Variants in AMDHD2 observed in about 807,000 individuals in gnomAD.
AMDHD2 encodes N-acetylglucosamine-6-phosphate deacetylase.
Under a neutral mutation model 41.8 loss-of-function variants are expected in AMDHD2, and 24 were observed. The ratio of observed to expected loss-of-function variants is 0.57; its 90% CI spans 0.42 to 0.81. The LOEUF is 0.81. AMDHD2 is among the 30% of genes least tolerant of loss of function. AMDHD2 has a pLI of 0.00. For synonymous variants in AMDHD2, 332 were observed against 255.5 expected, an observed-to-expected ratio of 1.30 and a Z score of -2.85; for missense variants, 540 against 588.5, an observed-to-expected ratio of 0.92 and a Z score of 0.85.
chr16:2,526,309 A>G (rs779893150), intron 3 of AMDHD2, among the ~76,000 whole-genome samples: 38 of 152,252 alleles, frequency 2.5e-4, no homozygotes, highest in Non-Finnish European at 3.8e-4. Flanking sequence ...AGAGTCTAGC[A>G]GTGCTCAGAG....
chr16:2,521,218 G>T, intron 3 of AMDHD2, 95 bp downstream of exon 3: 1 of 1,388,584 alleles, frequency 7.2e-7, no homozygotes, highest in African/African-American at 1.7e-5. Flanking sequence ...CCCCCAGCAC[G>T]TATTCCATGG....
Position 2,527,662 on chromosome 16 carries a change from G to A in AMDHD2, c.415+47G>A, listed in dbSNP as rs776635261. On this transcript the variant is annotated intron_variant, in intron 4 of 10. Transcript: ENST00000293971. The surrounding 1 kb of genome is among the most constrained non-coding windows in gnomAD (Gnocchi z 6.1). ...CGCCCCCACCCTGGGAGGCTCCTGC[G>A]GGACCTGTTGGCAGCCCCCACCCCT... The A allele has an allele frequency of 3.8e-6, 6 of 1,584,972 alleles. No homozygotes were observed. The highest frequency in any genetic ancestry group is 4.5e-5 in the East Asian group (2 of 44,102).
rs1188128654 is a variant in AMDHD2 at position 2,528,145 on chromosome 16, G to A, written c.714G>A (p.Leu238=). 1.2e-6 allele frequency: 2 copies of A among 1,613,016 alleles called. No individual in the cohort carries two copies. Among genetic ancestry groups the A allele is most frequent in the Admixed American group, 1.7e-5 (1 of 60,020 alleles). Residue 238 remains leucine, a synonymous_variant, in exon 6 of 11, where the codon CTG becomes CTA. Transcript: ENST00000293971. ...TFITHLFNAM[L]PFHHRDPGIV... ...TCACCCACCTCTTCAACGCCATGCT[G>A]CCTGTGAGTGCTATGGGGCCCCAGG... is the stretch of plus-strand genomic sequence containing the variant.
Position 2,529,000 on chromosome 16 carries a change from G to T in AMDHD2, c.1046G>T (p.Ser349Ile), listed in dbSNP as rs2066047567. Reference protein sequence around the residue: ...VRHFLQATGCSMESALEAASL... With the variant: ...VRHFLQATGCIMESALEAASL... ...AGCTGTGTCCCCCAAGCAGGCTGCA[G>T]CATGGAGTCGGCCCTGGAGGCTGCA... Residue 349 changes from serine to isoleucine, a missense_variant, in exon 10 of 11, where the codon AGC becomes ATC. By Grantham distance (142) the Ser-to-Ile change is moderately radical. Coordinates refer to ENST00000293971, the MANE Select transcript of AMDHD2 (RefSeq NM_001330449.2). 2 of 1,579,714 alleles carry T rather than the reference G, an allele frequency of 1.3e-6. No homozygotes were observed. Among genetic ancestry groups the T allele is most frequent in the South Asian group, 2.3e-5 (2 of 86,700 alleles).
intron 1 of AMDHD2, 95 bp from the exon 2 acceptor site, chr16:2,520,674 G>A (rs1219267054): frequency 9.8e-6 from 13 of 1,326,892 alleles, no homozygotes; most frequent in East Asian, 3.1e-5. Flanking sequence ...GGGACCGGGC[G>A]GGGTGCAGGG....
At chr16:2,528,761 G>T (rs765859263) in intron 9 of AMDHD2, 43 bp downstream of exon 9, 7 of 1,604,926 alleles carry the variant, frequency 4.4e-6, no homozygotes, top group Non-Finnish European at 5.1e-6. Flanking sequence ...GTCTGTGAGT[G>T]GTGGGTCCCC....
rs1022928433 is a variant in AMDHD2 at position 2,531,005 on chromosome 16, A to G, written c.*1442A>G. On this transcript the variant is annotated 3_prime_UTR_variant, in exon 11 of 11. Transcript: ENST00000293971. The stretch of plus-strand genomic sequence containing the variant: ...GCAGGGAGAGGCAGGTGAGGTTCTC[A>G]GCCGATGTGTTAGAGGTTGAGCATC... 6.2e-7 allele frequency: 1 copy of G among 1,612,644 alleles called. No individual in the cohort carries two copies. The highest frequency in any genetic ancestry group is 8.5e-7 in the Non-Finnish European group (1 of 1,179,428).
At chr16:2,524,832 C>T (rs1196623635) in intron 3 of AMDHD2, among the ~76,000 whole-genome samples, 7 of 152,068 alleles carry the variant, frequency 4.6e-5, no homozygotes, top group Non-Finnish European at 8.8e-5. Flanking sequence ...CTCCGTGAGT[C>T]CTCTTAGCCC....
At position 2,528,574 on chromosome 16, in the gene AMDHD2, C is replaced by T. The variant is rs768581537; in HGVS notation, c.970+15C>T. On this transcript the variant is annotated intron_variant, in intron 8 of 10. Transcript: ENST00000293971. The stretch of plus-strand genomic sequence containing the variant: ...CTACGTGGCAGGTGAGCGCCCTGAC[C>T]CACTGGGTCCCAGGTCCCAGCCCGC... The T allele has an allele frequency of 2.5e-6, 4 of 1,612,638 alleles. No individual in the cohort carries two copies. The highest frequency in any genetic ancestry group is 2.2e-5 in the East Asian group (1 of 44,876).
In AMDHD2 at chr16:2,530,808, C is replaced by G; in HGVS notation, c.*1245C>G. On this transcript the variant is annotated 3_prime_UTR_variant, in exon 11 of 11. Transcript: ENST00000293971. ...AGGGGTTGATCTCAGCCCACAAGCC[C>G]CAGGGGCAGCCCAGGAAAGCAGGCG... The G allele has an allele frequency of 5.0e-6, 8 of 1,613,754 alleles. No homozygotes were observed. The highest frequency in any genetic ancestry group is 6.8e-6 in the Non-Finnish European group (8 of 1,179,974).
At chr16:2,522,013 T>G (rs530991302) in intron 3 of AMDHD2, among the ~76,000 whole-genome samples, 2 of 152,150 alleles carry the variant, frequency 1.3e-5, no homozygotes, top group Admixed American at 6.5e-5. Flanking sequence ...CTCGATCTCC[T>G]GACCTCGTGA....
rs139824639 is a variant in AMDHD2, at chr16:2,528,114, C to T, written c.683C>T (p.Thr228Ile). Residue 228 changes from threonine to isoleucine, a missense_variant, in exon 6 of 11, where the codon ACC becomes ATC. By Grantham distance (89) the Thr-to-Ile change is moderately conservative. Coordinates refer to ENST00000293971, the MANE Select transcript of AMDHD2 (RefSeq NM_001330449.2). ...GAGGATGCTGTGTGGAGCGGAGCCA[C>T]CTTCATCACCCACCTCTTCAACGCC... The part of the protein sequence containing the change: ...AAEDAVWSGA[T>I]FITHLFNAML... The T allele has an allele frequency of 1.2e-6, 2 of 1,613,110 alleles. No individual in the cohort carries two copies. The highest frequency in any genetic ancestry group is 3.3e-5 in the Admixed American group (2 of 60,028).
At chr16:2,521,786 T>G (rs1329569504) in intron 3 of AMDHD2, among the ~76,000 whole-genome samples, 1 of 142,228 alleles carries the variant, frequency 7.0e-6, no homozygotes, top group Non-Finnish European at 1.5e-5. Flanking sequence ...GTTTAGTTTT[T>G]TTTTTTTTTT....
Position 2,530,602 on chromosome 16 carries a change from G to T in AMDHD2, c.*1039G>T. On this transcript the variant is annotated 3_prime_UTR_variant, in exon 11 of 11. Coordinates refer to ENST00000293971, the MANE Select transcript of AMDHD2 (RefSeq NM_001330449.2). ...CTTACAGGTGCTGTCCTGGGCACAG[G>T]AGGTACGCGCCTGGCTCTGCCACTG... The T allele has an allele frequency of 6.2e-7, 1 of 1,614,216 alleles. No homozygotes were observed. Among genetic ancestry groups the T allele is most frequent in the Non-Finnish European group, 8.5e-7 (1 of 1,180,034 alleles).
In AMDHD2 at chr16:2,520,784, G is replaced by A. The variant is rs760946327; in HGVS notation, c.99G>A (p.Val33=). The A allele has an allele frequency of 1.9e-6, 3 of 1,602,386 alleles. No homozygotes were observed. The highest frequency in any genetic ancestry group is 2.5e-6 in the Non-Finnish European group (3 of 1,176,600). ...GCGTCCCCAGGGAGGATCTGTGGGTGCGCGGAGGCCGCATCTTGGACCCAG... is the reference window on the plus strand; with the variant it reads ...GCGTCCCCAGGGAGGATCTGTGGGTACGCGGAGGCCGCATCTTGGACCCAG... The part of the protein sequence containing the change: ...GGKLLREDLW[V]RGGRILDPEK... The change falls in exon 2 of 11, where the codon GTG becomes GTA. Residue 33 remains valine, a synonymous_variant. Transcript: ENST00000293971.
In AMDHD2 at chr16:2,530,895, A is replaced by G. The variant is rs775896222; in HGVS notation, c.*1332A>G. The G allele has an allele frequency of 5.6e-6, 9 of 1,613,276 alleles. No individual in the cohort carries two copies. The Admixed American group carries it at 1.5e-4, about 27-fold the overall frequency. ...TGCAGGGATACCCACCTCTGCCTTG[A>G]CGGCCGCGCACCCCTTAGGAAGTGG... On this transcript the variant is annotated 3_prime_UTR_variant, in exon 11 of 11. Coordinates refer to ENST00000293971, the MANE Select transcript of AMDHD2 (RefSeq NM_001330449.2).
At position 2,529,032 on chromosome 16, in the gene AMDHD2, CA is replaced by C; in HGVS notation, c.1079del (p.His360ProfsTer56). On this transcript the variant is annotated frameshift_variant, in exon 10 of 11. Coordinates refer to ENST00000293971, the MANE Select transcript of AMDHD2 (RefSeq NM_001330449.2). LOFTEE classifies it high-confidence loss of function. Reference sequence around the variant, plus strand: ...GTCGGCCCTGGAGGCTGCATCCCTGCACCCCGCCCAGTTGCTGGGGCTGGAG... The same window carrying C: ...GTCGGCCCTGGAGGCTGCATCCCTGCCCCCGCCCAGTTGCTGGGGCTGGAG... ...MESALEAASL[H>X]PAQLLGLEKS... 2 of 1,596,660 alleles carry C rather than the reference CA, an allele frequency of 1.3e-6. No homozygotes were observed. Among genetic ancestry groups the C allele is most frequent in the Non-Finnish European group, 1.7e-6 (2 of 1,172,368 alleles).
Position 2,530,397 on chromosome 16 carries a change from A to G in AMDHD2, c.*834A>G, listed in dbSNP as rs1392986047. On this transcript the variant is annotated 3_prime_UTR_variant, in exon 11 of 11. Transcript: ENST00000293971. ...GCCCTGGCACACACCCATGTGGCAA[A>G]CACGGGCCGTGAGGCTCCCTGAACA... 1 of 1,614,168 alleles carries G rather than the reference A, an allele frequency of 6.2e-7. No individual in the cohort carries two copies. Among genetic ancestry groups the G allele is most frequent in the Admixed American group, 1.7e-5 (1 of 60,020 alleles).
rs768733865 is a variant in AMDHD2, at chr16:2,530,385, C to G, written c.*822C>G. 1 of 1,614,202 alleles carries G rather than the reference C, an allele frequency of 6.2e-7. No individual in the cohort carries two copies. Among genetic ancestry groups the G allele is most frequent in the East Asian group, 2.2e-5 (1 of 44,888 alleles). The stretch of plus-strand genomic sequence containing the variant: ...TGTGTCCCCTTGGCCCTGGCACACA[C>G]CCATGTGGCAAACACGGGCCGTGAG... On this transcript the variant is annotated 3_prime_UTR_variant, in exon 11 of 11. Coordinates refer to ENST00000293971, the MANE Select transcript of AMDHD2 (RefSeq NM_001330449.2).
Sources: gnomAD v4.1 joint callset for allele counts (sites outside exome capture counted in the v4.1 genomes callset) on GRCh38, gnomAD v4.1.1 for gene constraint, Gnocchi (gnomAD v3.1) non-coding constraint, MANE v1.5 for transcripts, NCBI Gene and HGNC (gene_info 2026-07-23, HGNC 2026-07-21) for gene names.